Variants in TRAPPC9 observed in about 807,000 individuals in gnomAD.
TRAPPC9 encodes trafficking protein particle complex subunit 9.
In TRAPPC9, 83 loss-of-function variants were observed where a neutral mutation model predicts 124.0. That is an observed-to-expected ratio of 0.67 (90% CI 0.56 to 0.80). The LOEUF (loss-of-function observed/expected upper bound fraction) is 0.80. Ranked by LOEUF, TRAPPC9 falls within the 30% of genes least tolerant of loss-of-function variation. The pLI is 0.00. For synonymous variants in TRAPPC9, 638 were observed against 617.5 expected (o/e 1.03, Z -0.49); for missense variants, 1,302 against 1,508.3 (o/e 0.86, Z 2.27).
chr8:140,037,345 T>C (rs1465072584), intron 17 of TRAPPC9, among the ~76,000 whole-genome samples: 1 of 151,034 alleles, frequency 6.6e-6, no homozygotes, highest in African/African-American at 2.4e-5. Context: ...CCAGCTAATA[T>C]TATTATTACT....
chr8:139,853,906 T>C (rs1827647159), intron 21 of TRAPPC9, among the ~76,000 whole-genome samples: 1 of 152,272 alleles, frequency 6.6e-6, no homozygotes, highest in Non-Finnish European at 1.5e-5. Flanking sequence ...GTTAATATTT[T>C]ATACTACCTA....
At chr8:139,819,780 G>A (rs540653589) in intron 21 of TRAPPC9, among the ~76,000 whole-genome samples, 7 of 152,106 alleles carry the variant, frequency 4.6e-5, no homozygotes, top group Admixed American at 3.3e-4. Flanking sequence ...TTGGGAAGCC[G>A]AGATGGGTGG....
rs183363062 is a variant in TRAPPC9 at position 140,311,835 on chromosome 8, T to G, written c.1496-461A>C. ...AATAATTACAAATCAACATTTTTGA[T>G]GCAAATATAGAGCTTTGTGAGAAAA... On this transcript the variant is annotated intron_variant, in intron 9 of 22. Coordinates refer to ENST00000438773, the MANE Select transcript of TRAPPC9 (RefSeq NM_001160372.4). Among the ~76,000 whole-genome samples the G allele has an allele frequency of 4.5e-4, 69 of 152,328 alleles. No homozygotes were observed. The East Asian group carries it at 0.013, about 29-fold the overall frequency.
Position 140,316,990 on chromosome 8 carries a change from ACT to A in TRAPPC9, c.1496-5618_1496-5617del, listed in dbSNP as rs567835414. Among the ~76,000 whole-genome samples, 26 of 152,296 alleles carry A rather than the reference ACT, an allele frequency of 1.7e-4. No individual in the cohort carries two copies. The South Asian group carries it at 5.2e-3, about 30-fold the overall frequency. On this transcript the variant is annotated intron_variant, in intron 9 of 22. Coordinates refer to ENST00000438773, the MANE Select transcript of TRAPPC9 (RefSeq NM_001160372.4). ...CGCAGTTATCCACGTCTTCTAGGTC[ACT>A]GAGTTTGTTGGCATATAATTGTTTG... is the stretch of plus-strand genomic sequence containing the variant.
chr8:139,956,615 C>T (rs1355405910), intron 19 of TRAPPC9, among the ~76,000 whole-genome samples: 1 of 152,198 alleles, frequency 6.6e-6, no homozygotes, highest in African/African-American at 2.4e-5. Context: ...TCAGGACAGG[C>T]CCTTCTGATT....
At chr8:139,857,580 C>T (rs1415208529) in intron 21 of TRAPPC9, among the ~76,000 whole-genome samples, 1 of 152,208 alleles carries the variant, frequency 6.6e-6, no homozygotes, top group Non-Finnish European at 1.5e-5. Flanking sequence ...ATGGTGGCCA[C>T]AGAGCAGCCT....
At chr8:140,288,692 G>C (rs1379866047) in intron 12 of TRAPPC9, among the ~76,000 whole-genome samples, 38 of 152,154 alleles carry the variant, frequency 2.5e-4, no homozygotes, top group Non-Finnish European at 4.4e-5. Flanking sequence ...ATTTAGCAAA[G>C]TGACAGAGTC....
intron 17 of TRAPPC9, among the ~76,000 whole-genome samples, chr8:140,153,362 G>A (rs1044145206): frequency 6.6e-6 from 1 of 151,920 alleles, no homozygotes; most frequent in African/African-American, 2.4e-5. Flanking sequence ...GAATGCAATT[G>A]CTATGACCAT....
Position 140,084,789 on chromosome 8 carries a change from C to T in TRAPPC9, c.2557-60710G>A, listed in dbSNP as rs138961779. Among the ~76,000 whole-genome samples the T allele has an allele frequency of 1.9e-3, 296 of 152,306 alleles. 2 individuals carry two copies. Among genetic ancestry groups the T allele is most frequent in the South Asian group, 9.1e-3 (44 of 4,828 alleles). On this transcript the variant is annotated intron_variant, in intron 17 of 22. Coordinates refer to ENST00000438773, the MANE Select transcript of TRAPPC9 (RefSeq NM_001160372.4). ...CTGAAACCTCAAAGGGTAGGATAAG[C>T]TTTTTCCTCCCTTGGAGACGTTTAC...
chr8:139,850,673 A>G lies in TRAPPC9; in HGVS notation c.3055+35206T>C, dbSNP rs557141384. On this transcript the variant is annotated intron_variant, in intron 21 of 22. Transcript: ENST00000438773. ...AATCAAGTCATTCATCCATCCATCT[A>G]CAAATGCATATGGCCATCTACCCAC... Among the ~76,000 whole-genome samples the G allele has an allele frequency of 3.9e-5, 6 of 152,300 alleles. No homozygotes were observed. The South Asian group carries it at 1.2e-3, about 32-fold the overall frequency.
chr8:139,868,348 T>C (rs1240394452), intron 21 of TRAPPC9, among the ~76,000 whole-genome samples: 1 of 152,150 alleles, frequency 6.6e-6, no homozygotes, highest in Non-Finnish European at 1.5e-5. Context: ...AGAGCGAGAC[T>C]CCATCTCAAA....
chr8:140,379,407 G>T (rs1280768535), intron 7 of TRAPPC9, among the ~76,000 whole-genome samples: 2 of 152,140 alleles, frequency 1.3e-5, no homozygotes, highest in Non-Finnish European at 2.9e-5. Context: ...CTCTTGTGAA[G>T]GTGTGTGTGT....
At chr8:139,921,866 G>C (rs567814236) in intron 19 of TRAPPC9, among the ~76,000 whole-genome samples, 2 of 144,766 alleles carry the variant, frequency 1.4e-5, no homozygotes, top group Non-Finnish European at 3.0e-5. Flanking sequence ...TCCCCGCCGC[G>C]TCTGGGAGTG....
chr8:140,415,242 T>C (rs2069876410), intron 5 of TRAPPC9, among the ~76,000 whole-genome samples: 1 of 149,856 alleles, frequency 6.7e-6, no homozygotes, highest in African/African-American at 2.5e-5. Flanking sequence ...ATAAAAATAA[T>C]TGGAAAAAAA....
intron 19 of TRAPPC9, chr8:139,932,117 A>C (rs1163870034): frequency 2.8e-6 from 1 of 356,774 alleles, no homozygotes; most frequent in East Asian, 7.4e-5. Flanking sequence ...TGTGCGGCTG[A>C]GGGCGGGGTG....
chr8:140,458,574 G>C (rs886062731), upstream of TRAPPC9: 4 of 1,561,550 alleles, frequency 2.6e-6, no homozygotes, highest in Non-Finnish European at 3.5e-6. Context: ...TGGCACTCCC[G>C]ACTTTGAGGG....
intron 18 of TRAPPC9, among the ~76,000 whole-genome samples, chr8:140,000,639 C>T (rs1838329413): frequency 6.6e-6 from 1 of 152,180 alleles, no homozygotes; most frequent in South Asian, 2.1e-4. Flanking sequence ...AAATGCTCAC[C>T]ATCACTGGTC....
At chr8:140,160,523 T>C (rs1252694985) in intron 17 of TRAPPC9, among the ~76,000 whole-genome samples, 5 of 152,078 alleles carry the variant, frequency 3.3e-5, no homozygotes. Flanking sequence ...GAAACCATCA[T>C]TCTCAGCAAA....
intron 11 of TRAPPC9, among the ~76,000 whole-genome samples, chr8:140,297,755 G>A (rs1031628545): frequency 1.3e-5 from 2 of 152,226 alleles, no homozygotes; most frequent in African/African-American, 2.4e-5. Flanking sequence ...TAAGTAACCA[G>A]GTACCCCTGC....
Sources: gnomAD v4.1 joint callset for allele counts (sites outside exome capture counted in the v4.1 genomes callset) on GRCh38, gnomAD v4.1.1 for gene constraint, MANE v1.5 for transcripts, NCBI Gene and HGNC (gene_info 2026-07-23, HGNC 2026-07-21) for gene names.